GOLGA1: variants seen among roughly 807,000 people sequenced by gnomAD.
The protein encoded by GOLGA1 is golgin subfamily A member 1.
In GOLGA1, 63 loss-of-function variants were observed where a neutral mutation model predicts 119.7. That is an observed-to-expected ratio of 0.53 (90% confidence interval 0.43 to 0.65). The LOEUF is 0.65. GOLGA1 is among the 30% of genes least tolerant of loss of function. The probability of loss-of-function intolerance (pLI) is 0.00; values close to 1 mark genes in which losing one functional copy is unlikely to be tolerated. For missense variants in GOLGA1, 798 were observed against 912.8 expected (o/e 0.87, Z 1.62); for synonymous variants, 318 against 333.4 (o/e 0.95, Z 0.50).
At chr9:124,934,962 G>A (rs1433690802) in intron 3 of GOLGA1, among the ~76,000 whole-genome samples, 3 of 152,050 alleles carry the variant, frequency 2.0e-5, no homozygotes, top group African/African-American at 7.2e-5. Flanking sequence ...TGGGAGAATC[G>A]CTTGAGCCCA....
chr9:124,942,063 G>T (rs2131554527), upstream of GOLGA1, among the ~76,000 whole-genome samples: 1 of 152,296 alleles, frequency 6.6e-6, no homozygotes, highest in East Asian at 1.9e-4. Flanking sequence ...TTCACCCGAG[G>T]TCAGGAGTTC....
chr9:124,944,466 A>ATTTTTTTTTTTTTTTTTTTTTTTTTTTT (rs71374207), upstream of GOLGA1: 2 of 84,726 alleles, frequency 2.4e-5, no homozygotes, highest in Non-Finnish European at 2.1e-5. Context: ...TGCCTGGCTA[A>ATTTTTTTTTTTTTTTTTTTTTTTTTTTT]TTTTTTTTTT....
chr9:124,924,226 T>C (rs1307409869), intron 7 of GOLGA1, among the ~76,000 whole-genome samples: 2 of 151,990 alleles, frequency 1.3e-5, no homozygotes, highest in Non-Finnish European at 2.9e-5. Flanking sequence ...TAAGATTGAA[T>C]GCCTGAAAAA....
chr9:124,925,379 G>T (rs1230403599), intron 7 of GOLGA1, among the ~76,000 whole-genome samples: 3 of 144,232 alleles, frequency 2.1e-5, no homozygotes, highest in African/African-American at 5.1e-5. Flanking sequence ...TTTTTTTCAA[G>T]CACAGGTTTC....
intron 3 of GOLGA1, among the ~76,000 whole-genome samples, chr9:124,931,891 G>A (rs1465151356): frequency 2.6e-5 from 4 of 152,164 alleles, no homozygotes; most frequent in Non-Finnish European, 5.9e-5. Flanking sequence ...ATAGACTTCA[G>A]CAGATAATAT....
intron 11 of GOLGA1, among the ~76,000 whole-genome samples, chr9:124,909,625 A>AG (rs1355919158): frequency 6.6e-6 from 1 of 151,774 alleles, no homozygotes; most frequent in African/African-American, 2.4e-5. Flanking sequence ...AAAAAAAAAA[A>AG]AAAGAAATGT....
intron 12 of GOLGA1, among the ~76,000 whole-genome samples, chr9:124,907,705 C>G (rs1588076867): frequency 6.6e-6 from 1 of 152,238 alleles, no homozygotes; most frequent in South Asian, 2.1e-4. Context: ...GAAGACAAGG[C>G]CAAACTCATT....
intron 13 of GOLGA1, 95 bp from the exon 14 acceptor site, chr9:124,899,573 G>T: frequency 8.2e-7 from 1 of 1,226,088 alleles, no homozygotes; most frequent in Non-Finnish European, 1.1e-6. Context: ...GTATCCAACA[G>T]AAACAACTCT....
At chr9:124,902,708 C>CT (rs1265001106) in intron 12 of GOLGA1, among the ~76,000 whole-genome samples, 12 of 152,094 alleles carry the variant, frequency 7.9e-5, no homozygotes, top group Non-Finnish European at 1.3e-4. Flanking sequence ...CCAGGATGGT[C>CT]TCGATCTCCT....
chr9:124,913,385 G>A (rs16927742), intron 10 of GOLGA1, among the ~76,000 whole-genome samples: 2,552 of 152,230 alleles, frequency 0.017, 74 homozygotes, highest in African/African-American at 0.059. Context: ...AAAGGTTGTA[G>A]GGCAACAAAA....
At chr9:124,898,485 C>A (rs1830027026) in intron 15 of GOLGA1, 64 bp downstream of exon 15, 1 of 908,372 alleles carries the variant, frequency 1.1e-6, no homozygotes, top group Non-Finnish European at 1.8e-6. Flanking sequence ...AAGTGGGGCA[C>A]TGTAAATACA....
At chr9:124,919,300 T>C (rs1830516423) in intron 10 of GOLGA1, among the ~76,000 whole-genome samples, 1 of 152,140 alleles carries the variant, frequency 6.6e-6, no homozygotes, top group African/African-American at 2.4e-5. Flanking sequence ...CCTAGTTCAC[T>C]TACTTGAGAC....
chr9:124,928,217 G>C lies in GOLGA1; in HGVS notation c.370C>G (p.Leu124Val), dbSNP rs1421616882. 1.3e-6 allele frequency: 2 copies of C among 1,598,616 alleles called. No homozygotes were observed. Among genetic ancestry groups the C allele is most frequent in the African/African-American group, 2.7e-5 (2 of 74,524 alleles). Residue 124 changes from leucine (L) to valine (V), a missense_variant, in exon 6 of 23, where the codon CTG (leucine) becomes GTG (valine). Physicochemically the swap from Leu to Val is conservative, Grantham distance 32 (BLOSUM62 1). Coordinates refer to ENST00000373555, the MANE Select transcript of GOLGA1 (RefSeq NM_002077.4). ...QANRAKMAEG[L>V]ALALARKDQE... is the part of the protein sequence containing the mutation. ...TCCTTTCTGGCTAATGCCAAAGCCAGTCCTTCTGCCATTTTGGCTCTGTTG... is the reference window on the plus strand; with the variant it reads ...TCCTTTCTGGCTAATGCCAAAGCCACTCCTTCTGCCATTTTGGCTCTGTTG...
rs984103286 is a variant in GOLGA1 at position 124,900,625 on chromosome 9, G to A, written c.1066-78C>T. On this transcript the variant is annotated intron_variant, in intron 12 of 22. Transcript: ENST00000373555. ...AACAAATGGCTTTAAAATGCAAAGCGATTTAAATAAAACAGGTACATTATA... is the reference window on the plus strand; with the variant it reads ...AACAAATGGCTTTAAAATGCAAAGCAATTTAAATAAAACAGGTACATTATA... 7 of 654,684 alleles carry A rather than the reference G, an allele frequency of 1.1e-5. No individual in the cohort carries two copies. The East Asian group carries it at 1.1e-4, about 10-fold the overall frequency. 40.6% of individuals were successfully genotyped at this position (654,684 alleles called of 1,614,324 possible).
chr9:124,923,035 G>C (rs1830601288), intron 8 of GOLGA1, 60 bp downstream of exon 8: 2 of 1,192,908 alleles, frequency 1.7e-6, no homozygotes, highest in Admixed American at 2.0e-5. Flanking sequence ...GTGATGACTA[G>C]TAAAATCAGA....
chr9:124,902,893 C>T (rs1251306206), intron 12 of GOLGA1, among the ~76,000 whole-genome samples: 4 of 152,142 alleles, frequency 2.6e-5, no homozygotes, highest in Non-Finnish European at 5.9e-5. Context: ...CGGAGAAGAA[C>T]AGGATTGTTA....
intron 10 of GOLGA1, among the ~76,000 whole-genome samples, chr9:124,916,903 CG>C (rs1830459864): frequency 2.2e-5 from 2 of 91,534 alleles, no homozygotes; most frequent in East Asian, 3.5e-4. Context: ...AAAAAAAAAA[CG>C]AAAACAAAAA....
rs1588069264 is a variant in GOLGA1 at position 124,899,576 on chromosome 9, A to G, written c.1162-98T>C. The stretch of plus-strand genomic sequence containing the variant: ...GTGAGAAGATGAGTATCCAACAGAA[A>G]CAACTCTCTCCTGACCCCATCCCCC... On this transcript the variant is annotated intron_variant, in intron 13 of 22. Coordinates refer to ENST00000373555, the MANE Select transcript of GOLGA1 (RefSeq NM_002077.4). 3.3e-6 allele frequency: 4 copies of G among 1,211,962 alleles called. No individual in the cohort carries two copies. In the East Asian group the frequency reaches 1.0e-4, roughly 31 times the overall value. The allele number at this position is 1,211,962 out of a possible 1,614,324, so 75.1% of individuals were successfully genotyped here. A position where few individuals can be genotyped will look rare whatever the true frequency, so the allele number is the denominator to read the frequency against.
intron 7 of GOLGA1, 103 bp from the exon 8 acceptor site, chr9:124,923,326 CAG>C: frequency 1.1e-6 from 1 of 924,542 alleles, no homozygotes; most frequent in Non-Finnish European, 1.6e-6. Flanking sequence ...TCTTTAGAGA[CAG>C]AGTCTCACTA....
Sources: gnomAD v4.1 joint callset for allele counts (sites outside exome capture counted in the v4.1 genomes callset) on GRCh38, gnomAD v4.1.1 for gene constraint, MANE v1.5 for transcripts, NCBI Gene and HGNC (gene_info 2026-07-23, HGNC 2026-07-21) for gene names.